Variants in RABGAP1L observed in about 807,000 individuals in gnomAD.
RABGAP1L encodes the protein RAB GTPase activating protein 1 like, also known as rab GTPase-activating protein 1-like.
In RABGAP1L, 63 loss-of-function variants were observed where a neutral mutation model predicts 137.7. The observed-to-expected ratio is 0.46, with a 90% CI of 0.37 to 0.56. RABGAP1L has a LOEUF of 0.56. RABGAP1L is among the 20% of genes least tolerant of loss of function. The pLI, the probability that RABGAP1L is intolerant of heterozygous loss-of-function variation, is 0.00. For missense variants in RABGAP1L, 1,095 were observed against 1,244.0 expected, an observed-to-expected ratio of 0.88 and a Z score of 1.80; for synonymous variants, 431 against 433.7, an observed-to-expected ratio of 0.99 and a Z score of 0.08.
At chr1:174,598,788 G>A (rs547169622) in intron 13 of RABGAP1L, among the ~76,000 whole-genome samples, 1 of 151,684 alleles carries the variant, frequency 6.6e-6, no homozygotes, top group African/African-American at 2.4e-5. Context: ...GTCTATGTGT[G>A]TCTTTATTGA....
At chr1:174,641,221 T>C (rs1557940152) in intron 14 of RABGAP1L, among the ~76,000 whole-genome samples, 1 of 151,854 alleles carries the variant, frequency 6.6e-6, no homozygotes, top group Non-Finnish European at 1.5e-5. Context: ...AGTTGAAAAG[T>C]TTTCTGTGGC....
intron 13 of RABGAP1L, among the ~76,000 whole-genome samples, chr1:174,598,068 C>T (rs187122527): frequency 2.0e-4 from 30 of 152,162 alleles, no homozygotes; most frequent in East Asian, 5.8e-4. Flanking sequence ...TGGTGGCTCA[C>T]GGCTGTAATC....
intron 13 of RABGAP1L, among the ~76,000 whole-genome samples, chr1:174,529,803 G>A (rs1386021413): frequency 6.6e-6 from 1 of 152,126 alleles, no homozygotes; most frequent in Admixed American, 6.5e-5. Flanking sequence ...CAGTCTCCAA[G>A]CCCTCAGGCA....
intron 13 of RABGAP1L, among the ~76,000 whole-genome samples, chr1:174,487,994 T>G (rs146692369): frequency 7.6e-4 from 115 of 152,284 alleles, no homozygotes; most frequent in Non-Finnish European, 1.3e-3. Context: ...TTTCAAAAAT[T>G]GTAGTAGTTA....
chr1:174,183,749 A>G (rs2148303007), intron 1 of RABGAP1L, among the ~76,000 whole-genome samples: 1 of 152,128 alleles, frequency 6.6e-6, no homozygotes, highest in African/African-American at 2.4e-5. Flanking sequence ...TGCTCTAAAA[A>G]TCCTGTCTTC....
intron 19 of RABGAP1L, chr1:174,897,087 C>G (rs1657330980): frequency 6.6e-6 from 1 of 152,156 alleles, no homozygotes; most frequent in African/African-American, 2.4e-5. Context: ...GAATGTTCTT[C>G]CATTTGTTTG....
chr1:174,249,985 C>T (rs1672590673), intron 5 of RABGAP1L, among the ~76,000 whole-genome samples: 1 of 152,180 alleles, frequency 6.6e-6, no homozygotes, highest in Admixed American at 6.5e-5. Context: ...ATCCTAGTTG[C>T]AGCTCCTAAA....
chr1:174,613,741 C>A (rs1025214435), intron 13 of RABGAP1L, among the ~76,000 whole-genome samples: 1 of 152,144 alleles, frequency 6.6e-6, no homozygotes, highest in Non-Finnish European at 1.5e-5. Context: ...CTGGGTGCTC[C>A]TGTATTGGGT....
intron 3 of RABGAP1L, among the ~76,000 whole-genome samples, chr1:174,224,479 T>A (rs943420815): frequency 2.4e-4 from 36 of 152,012 alleles, no homozygotes; most frequent in Non-Finnish European, 4.4e-4. Flanking sequence ...CAAAAAAAAA[T>A]TTTAAATCTG....
rs1285002194 is a variant in RABGAP1L at position 174,969,292 on chromosome 1, T to C, written c.2449T>C (p.Leu817=). 1.3e-6 allele frequency: 2 copies of C among 1,550,866 alleles called. No individual in the cohort carries two copies. The highest frequency in any genetic ancestry group is 2.4e-5 in the South Asian group (2 of 84,068). ...TCTTCTGCAGAGGGAGAACCGAAGA[T>C]TACAGGAGGCCAGCATGAGGTTGGA... ...MDRYKRENRR[L]QEASMRLEQE... The change falls in exon 21 of 26, where the codon TTA becomes CTA. Residue 817 remains leucine, a synonymous_variant. Transcript: ENST00000681986.
At chr1:174,643,823 ATTATGT>A (rs1288726367) in intron 14 of RABGAP1L, among the ~76,000 whole-genome samples, 1 of 151,932 alleles carries the variant, frequency 6.6e-6, no homozygotes, top group Non-Finnish European at 1.5e-5. Flanking sequence ...GCCAAGAACA[ATTATGT>A]TTATATCTAT....
chr1:174,630,882 C>G (rs1372303668), intron 13 of RABGAP1L, among the ~76,000 whole-genome samples: 2 of 136,876 alleles, frequency 1.5e-5, no homozygotes, highest in Non-Finnish European at 3.1e-5. Context: ...TTTTTTGTGT[C>G]TCTATTTCCT....
In RABGAP1L at chr1:174,267,456, A is replaced by G. The variant is rs534514639; in HGVS notation, c.987-4958A>G. ...AGATGAACTTTGTGAAGATGAACTT[A>G]TCAGTGTAAATAAGGAAAGTGGTTG... On this transcript the variant is annotated intron_variant, in intron 7 of 25. Coordinates refer to ENST00000681986, the MANE Select transcript of RABGAP1L (RefSeq NM_001366446.1). Among the ~76,000 whole-genome samples, 4 of 152,306 alleles carry G rather than the reference A, an allele frequency of 2.6e-5. No individual in the cohort carries two copies. The South Asian group carries it at 8.3e-4, about 32-fold the overall frequency.
At chr1:174,841,378 A>G (rs916241225) in intron 19 of RABGAP1L, among the ~76,000 whole-genome samples, 2 of 152,120 alleles carry the variant, frequency 1.3e-5, no homozygotes, top group African/African-American at 4.8e-5. Flanking sequence ...AGATCAGAAG[A>G]AACCAAACAA....
chr1:174,635,245 G>A (rs958971559), intron 13 of RABGAP1L, among the ~76,000 whole-genome samples: 2 of 151,942 alleles, frequency 1.3e-5, no homozygotes, highest in Non-Finnish European at 2.9e-5. Context: ...CTCTCTTAAT[G>A]TCCTGAAAAG....
At chr1:174,437,051 C>T (rs999582651) in intron 13 of RABGAP1L, among the ~76,000 whole-genome samples, 5 of 152,222 alleles carry the variant, frequency 3.3e-5, no homozygotes, top group African/African-American at 1.2e-4. Context: ...AGGACATCCA[C>T]ACCAAAAACC....
chr1:174,876,031 A>G (rs1450843591), intron 19 of RABGAP1L, among the ~76,000 whole-genome samples: 1 of 152,160 alleles, frequency 6.6e-6, no homozygotes, highest in South Asian at 2.1e-4. Flanking sequence ...GCTCGCTCTT[A>G]TAAGCTAGAA....
chr1:174,859,548 T>C (rs1372991174), intron 19 of RABGAP1L, among the ~76,000 whole-genome samples: 3 of 151,764 alleles, frequency 2.0e-5, no homozygotes, highest in Non-Finnish European at 2.9e-5. Flanking sequence ...AAGAATGAGA[T>C]TGTGTCCTTT....
chr1:174,780,610 G>A (rs1461522071), intron 18 of RABGAP1L, among the ~76,000 whole-genome samples: 1 of 151,920 alleles, frequency 6.6e-6, no homozygotes. Flanking sequence ...GGGTACATGT[G>A]CACAACGTGC....
Sources: gnomAD v4.1 joint callset for allele counts (sites outside exome capture counted in the v4.1 genomes callset) on GRCh38, gnomAD v4.1.1 for gene constraint, MANE v1.5 for transcripts, NCBI Gene and HGNC (gene_info 2026-07-23, HGNC 2026-07-21) for gene names.